Variants in UTRN observed in about 807,000 individuals in gnomAD.
UTRN encodes the protein utrophin.
A neutral mutation model predicts 463.9 loss-of-function variants in UTRN; 283 were observed. The observed-to-expected ratio is 0.61, with a 90% CI of 0.55 to 0.67. UTRN has a LOEUF of 0.67. Ranked by LOEUF, UTRN falls within the 30% of genes least tolerant of loss-of-function variation. UTRN has a pLI of 0.00. For missense variants in UTRN, 3,922 were observed against 4,084.3 expected (o/e 0.96, Z 1.08); for synonymous variants, 1,442 against 1,431.5 (o/e 1.01, Z -0.17).
rs374777949 is a variant in UTRN, at chr6:144,405,510, G to A, written c.141+2326G>A. ...AGAAAAAAAAATAAATCCCGTTGAA[G>A]GGAACGAATTTTTTTTTTCATTTTT... is the stretch of plus-strand genomic sequence containing the variant. On this transcript the variant is annotated intron_variant, in intron 3 of 74. Coordinates refer to ENST00000367545, the MANE Select transcript of UTRN (RefSeq NM_007124.3). Among the ~76,000 whole-genome samples the A allele has an allele frequency of 5.9e-5, 9 of 152,102 alleles. 1 individual carries two copies. The highest frequency in any genetic ancestry group is 1.7e-4 in the African/African-American group (7 of 41,500).
intron 31 of UTRN, 37 bp from the exon 32 acceptor site, chr6:144,490,892 C>A: frequency 6.5e-7 from 1 of 1,528,378 alleles, no homozygotes; most frequent in African/African-American, 1.4e-5. Context: ...AGATAATCAT[C>A]CTGATGGGAA....
chr6:144,445,559 T>TCCCC (rs150795267), intron 14 of UTRN, among the ~76,000 whole-genome samples: 2 of 145,156 alleles, frequency 1.4e-5, no homozygotes, highest in East Asian at 2.2e-4. Flanking sequence ...AATGACTACT[T>TCCCC]CCCCCCCCGC....
chr6:144,842,246 A>T (rs1781650170), intron 73 of UTRN, among the ~76,000 whole-genome samples: 1 of 151,984 alleles, frequency 6.6e-6, no homozygotes, highest in Non-Finnish European at 1.5e-5. Context: ...TGTAATTTTT[A>T]AAATACCATC....
rs200339706 is a variant in UTRN at position 144,542,757 on chromosome 6, G to T, written c.6520-38G>T. ...TTGAACTACAGTCATCTTTATTTAC[G>T]TAGTATTCTTCTCTTTCTGTTTGTC... On this transcript the variant is annotated intron_variant, in intron 45 of 74. Transcript: ENST00000367545. 3.2e-6 allele frequency: 5 copies of T among 1,585,732 alleles called. No individual in the cohort carries two copies. The East Asian group carries it at 1.1e-4, about 36-fold the overall frequency.
intron 23 of UTRN, among the ~76,000 whole-genome samples, chr6:144,470,951 G>T (rs541144373): frequency 6.6e-6 from 1 of 151,346 alleles, no homozygotes; most frequent in Non-Finnish European, 1.5e-5. Context: ...AGGCAGGGAG[G>T]TTGCATTGAG....
At chr6:144,734,915 C>T (rs1425294791) in intron 54 of UTRN, among the ~76,000 whole-genome samples, 2 of 152,130 alleles carry the variant, frequency 1.3e-5, no homozygotes, top group Non-Finnish European at 2.9e-5. Flanking sequence ...TTATTATTGT[C>T]CCTTTCGTTC....
chr6:144,419,320 G>A (rs189517823), intron 3 of UTRN, among the ~76,000 whole-genome samples: 139 of 152,254 alleles, frequency 9.1e-4, no homozygotes, highest in African/African-American at 3.1e-3. Flanking sequence ...TGAATCTATC[G>A]CTGCCTGTGA....
In UTRN at chr6:144,286,485, A is replaced by T. The variant is rs1458613966; in HGVS notation, c.-93+664A>T. Among the ~76,000 whole-genome samples the T allele has an allele frequency of 4.6e-5, 7 of 151,854 alleles. No individual in the cohort carries two copies. Among genetic ancestry groups the T allele is most frequent in the South Asian group, 2.1e-4 (1 of 4,784 alleles). On this transcript the variant is annotated intron_variant, in intron 1 of 74. Transcript: ENST00000367545. The surrounding 1 kb of genome is among the most constrained non-coding windows in gnomAD (Gnocchi z 4.4). Reference sequence around the variant, plus strand: ...CTGGAGAGACTGAGGGGACAGGAGGAGGGGGGCGCCCCATTGGTGTGTAGT... The same window carrying T: ...CTGGAGAGACTGAGGGGACAGGAGGTGGGGGGCGCCCCATTGGTGTGTAGT...
chr6:144,447,091 C>G (rs1191786188), intron 14 of UTRN, 120 bp from the exon 15 acceptor site: 2 of 839,208 alleles, frequency 2.4e-6, no homozygotes, highest in Non-Finnish European at 3.7e-6. Context: ...TGAAGGCCTT[C>G]TTATCCCCAT....
chr6:144,679,817 T>C (rs967384157), intron 52 of UTRN, among the ~76,000 whole-genome samples: 1 of 152,152 alleles, frequency 6.6e-6, no homozygotes, highest in Non-Finnish European at 1.5e-5. Context: ...TTTATTCTTC[T>C]GGAGCTCAGA....
chr6:144,346,722 C>A (rs535970883), intron 2 of UTRN, among the ~76,000 whole-genome samples: 2 of 152,220 alleles, frequency 1.3e-5, no homozygotes, highest in South Asian at 4.1e-4. Flanking sequence ...ACTTGGGAGG[C>A]TGAGGCAAGA....
At chr6:144,556,253 A>G (rs561617679) in intron 49 of UTRN, among the ~76,000 whole-genome samples, 2 of 152,336 alleles carry the variant, frequency 1.3e-5, no homozygotes, top group African/African-American at 4.8e-5. Context: ...TATTCTCCAC[A>G]AATGCAGACT....
chr6:144,291,856 A>G lies in UTRN; in HGVS notation c.28A>G (p.Ser10Gly). Residue 10 changes from serine to glycine, a missense_variant, in exon 2 of 75, where the codon AGT (serine) becomes GGT (glycine). Ser to Gly is a moderately conservative substitution (Grantham distance 56, BLOSUM62 0). Transcript: ENST00000367545. ...GGCCAAGTATGGAGAACATGAAGCC[A>G]GTCCTGACAATGGGCAGAACGAATT... MAKYGEHEA[S>G]PDNGQNEFSD... The G allele has an allele frequency of 6.2e-7, 1 of 1,613,640 alleles. No individual in the cohort carries two copies. Among genetic ancestry groups the G allele is most frequent in the Non-Finnish European group, 8.5e-7 (1 of 1,179,744 alleles).
At chr6:144,636,632 G>T (rs984059722) in intron 51 of UTRN, among the ~76,000 whole-genome samples, 14 of 152,222 alleles carry the variant, frequency 9.2e-5, no homozygotes, top group African/African-American at 3.1e-4. Context: ...AGCAGCAGAA[G>T]TATTCTTTTC....
intron 31 of UTRN, among the ~76,000 whole-genome samples, chr6:144,490,540 C>T (rs1346634580): frequency 6.6e-6 from 1 of 152,174 alleles, no homozygotes; most frequent in African/African-American, 2.4e-5. Flanking sequence ...GATGCAGCAT[C>T]ATTTAGTTCT....
At chr6:144,642,686 G>A (rs977830440) in intron 51 of UTRN, among the ~76,000 whole-genome samples, 1 of 152,164 alleles carries the variant, frequency 6.6e-6, no homozygotes, top group Non-Finnish European at 1.5e-5. Flanking sequence ...TAGTGACACA[G>A]TCTCCCCAGC....
At chr6:144,406,222 A>G (rs911851859) in intron 3 of UTRN, among the ~76,000 whole-genome samples, 5 of 152,174 alleles carry the variant, frequency 3.3e-5, no homozygotes, top group African/African-American at 9.7e-5. Flanking sequence ...TTATTATCAC[A>G]TTGGTTTGAG....
intron 51 of UTRN, among the ~76,000 whole-genome samples, chr6:144,623,430 T>G (rs1775628949): frequency 1.3e-5 from 2 of 152,222 alleles, no homozygotes; most frequent in African/African-American, 4.8e-5. Flanking sequence ...AAGGCTATTT[T>G]GTAAATGACT....
chr6:144,744,572 C>A (rs1202859752), intron 54 of UTRN, among the ~76,000 whole-genome samples: 3 of 146,882 alleles, frequency 2.0e-5, no homozygotes, highest in Admixed American at 6.9e-5. Flanking sequence ...ATGGGAAGAC[C>A]CGAAGGGAGG....
Sources: allele counts gnomAD v4.1 joint callset (sites outside exome capture counted in the v4.1 genomes callset), GRCh38; gene constraint gnomAD v4.1.1; non-coding constraint Gnocchi (gnomAD v3.1); transcripts MANE v1.5; gene names NCBI Gene and HGNC (gene_info 2026-07-23, HGNC 2026-07-21).